ITPR2: variants seen among roughly 807,000 people sequenced by gnomAD.
ITPR2 encodes inositol 1,4,5-trisphosphate receptor type 2.
ITPR2 carries 207 observed loss-of-function variants against 317.1 expected under a neutral mutation model. That is an observed-to-expected ratio of 0.65 (90% CI 0.58 to 0.73). The LOEUF (loss-of-function observed/expected upper bound fraction) is 0.73, where lower values mean the gene tolerates loss of function less well. ITPR2 is among the 30% of genes least tolerant of loss of function. The pLI is 0.00. For missense variants in ITPR2, 2,613 were observed against 3,284.0 expected, an observed-to-expected ratio of 0.80 and a Z score of 4.99; for synonymous variants, 1,156 against 1,149.1, an observed-to-expected ratio of 1.01 and a Z score of -0.12.
intron 32 of ITPR2, among the ~76,000 whole-genome samples, chr12:26,582,477 TA>T (rs1230290982): frequency 6.6e-6 from 1 of 152,206 alleles, no homozygotes; most frequent in Non-Finnish European, 1.5e-5. Flanking sequence ...ACACTTACTT[TA>T]AAAAGCTATA....
chr12:26,669,026 G>C (rs1180781464), intron 13 of ITPR2, among the ~76,000 whole-genome samples: 1 of 152,148 alleles, frequency 6.6e-6, no homozygotes, highest in Non-Finnish European at 1.5e-5. Flanking sequence ...GCTGAGGCAA[G>C]AGGAATTGCT....
chr12:26,685,794 T>C (rs1445663736), intron 11 of ITPR2, among the ~76,000 whole-genome samples: 2 of 152,168 alleles, frequency 1.3e-5, no homozygotes, highest in Non-Finnish European at 2.9e-5. Context: ...TTCGTGTTCC[T>C]GCTGCTTGAA....
intron 37 of ITPR2, among the ~76,000 whole-genome samples, chr12:26,531,807 G>A (rs965148956): frequency 6.6e-6 from 1 of 152,094 alleles, no homozygotes; most frequent in Admixed American, 6.5e-5. Flanking sequence ...CAATCATCTT[G>A]ATTTAGATAT....
intron 35 of ITPR2, among the ~76,000 whole-genome samples, chr12:26,557,949 T>A (rs1944708527): frequency 6.6e-6 from 1 of 152,194 alleles, no homozygotes; most frequent in Non-Finnish European, 1.5e-5. Flanking sequence ...GCCAATTGCT[T>A]ATTGTCACTC....
chr12:26,548,459 T>C (rs992097814), intron 37 of ITPR2, among the ~76,000 whole-genome samples: 6 of 152,158 alleles, frequency 3.9e-5, no homozygotes, highest in Admixed American at 2.0e-4. Flanking sequence ...TTCCCTACAC[T>C]ATTAAGGGAG....
chr12:26,393,130 ACATCCT>A (rs1939896884), intron 54 of ITPR2, among the ~76,000 whole-genome samples: 2 of 152,200 alleles, frequency 1.3e-5, no homozygotes, highest in Admixed American at 1.3e-4. Flanking sequence ...CACAGAATCT[ACATCCT>A]CTTGTCCTAC....
intron 37 of ITPR2, among the ~76,000 whole-genome samples, chr12:26,544,891 C>T (rs1944355284): frequency 6.6e-6 from 1 of 152,120 alleles, no homozygotes; most frequent in Non-Finnish European, 1.5e-5. Context: ...TTTTCTGAGT[C>T]TCTCTTTTCA....
At position 26,715,300 on chromosome 12, in the gene ITPR2, T is replaced by C; in HGVS notation, c.854A>G (p.Glu285Gly). ...AAGTGCCAAAAAACATTTACATACC[T>C]CTATTTCCCAGAGTGCTTTAGAACT... ...ATSSKALWEI[E>G]VVHHDPCRGG... The change falls in exon 8 of 57, where the codon GAG becomes GGG. Residue 285 changes from glutamate (E) to glycine (G), a missense_variant and splice_region_variant. Coordinates refer to ENST00000381340, the MANE Select transcript of ITPR2 (RefSeq NM_002223.4). The C allele has an allele frequency of 6.2e-7, 1 of 1,609,848 alleles. No individual in the cohort carries two copies. The highest frequency in any genetic ancestry group is 8.5e-7 in the Non-Finnish European group (1 of 1,178,256).
chr12:26,578,567 T>C, intron 34 of ITPR2, 146 bp downstream of exon 34: 1 of 600,176 alleles, frequency 1.7e-6, no homozygotes, highest in Non-Finnish European at 2.8e-6. Flanking sequence ...TTCAGAATCA[T>C]TTGCTGATGG....
chr12:26,637,376 T>C (rs1482015155), intron 21 of ITPR2, among the ~76,000 whole-genome samples: 1 of 152,058 alleles, frequency 6.6e-6, no homozygotes, highest in Non-Finnish European at 1.5e-5. Context: ...TGCTTAGGAA[T>C]TTTTTTTAAC....
intron 2 of ITPR2, among the ~76,000 whole-genome samples, chr12:26,762,493 C>T (rs1319286488): frequency 1.3e-5 from 2 of 152,072 alleles, no homozygotes; most frequent in Non-Finnish European, 2.9e-5. Context: ...AATGAGGGAA[C>T]GATAAGGACT....
chr12:26,560,124 T>C (rs959664263), intron 35 of ITPR2, among the ~76,000 whole-genome samples: 15 of 152,194 alleles, frequency 9.9e-5, no homozygotes, highest in African/African-American at 3.6e-4. Flanking sequence ...AGAAGTTTAC[T>C]AAAAGAAGTT....
intron 26 of ITPR2, among the ~76,000 whole-genome samples, chr12:26,609,776 C>A (rs1946222575): frequency 1.3e-5 from 2 of 152,134 alleles, no homozygotes; most frequent in Non-Finnish European, 2.9e-5. Context: ...TCAAATAACA[C>A]ATTCTGGAAG....
intron 32 of ITPR2, among the ~76,000 whole-genome samples, chr12:26,582,331 C>G (rs1945424022): frequency 6.6e-6 from 1 of 152,036 alleles, no homozygotes; most frequent in African/African-American, 2.4e-5. Flanking sequence ...TTGGCCATGG[C>G]TCAAGTAAAA....
At chr12:26,393,744 T>A (rs1939914956) in intron 54 of ITPR2, among the ~76,000 whole-genome samples, 9 of 152,218 alleles carry the variant, frequency 5.9e-5, no homozygotes, top group Admixed American at 5.9e-4. Flanking sequence ...ATCTTACATC[T>A]CTTTGTGCAT....
intron 37 of ITPR2, among the ~76,000 whole-genome samples, chr12:26,538,923 A>G (rs1944180180): frequency 6.6e-6 from 1 of 152,112 alleles, no homozygotes; most frequent in African/African-American, 2.4e-5. Flanking sequence ...CTTTCTTTTT[A>G]TCTATAAAAT....
intron 10 of ITPR2, among the ~76,000 whole-genome samples, chr12:26,692,334 G>A (rs1048912849): frequency 6.6e-6 from 1 of 152,194 alleles, no homozygotes. Flanking sequence ...AGTAGAGGGT[G>A]TGGATGCTGC....
chr12:26,567,978 T>TTATA lies in ITPR2; in HGVS notation c.4631-6030_4631-6027dup, dbSNP rs1207413714. Among the ~76,000 whole-genome samples, 5 of 27,174 alleles carry TTATA rather than the reference T, an allele frequency of 1.8e-4. 1 individual carries two copies. Among genetic ancestry groups the TTATA allele is most frequent in the African/African-American group, 6.3e-4 (5 of 7,922 alleles). 17.8% of individuals were successfully genotyped at this position (27,174 alleles called of 152,430 possible). A position where few individuals can be genotyped will look rare whatever the true frequency, so the allele number is the denominator to read the frequency against. On this transcript the variant is annotated intron_variant, in intron 34 of 56. Coordinates refer to ENST00000381340, the MANE Select transcript of ITPR2 (RefSeq NM_002223.4). ...TATATATATATATATATTATATATATTATATATATATATATATATTATATA... is the reference window on the plus strand; with the variant it reads ...TATATATATATATATATTATATATATTATATATATATATATATATATATTATATA...
At chr12:26,500,125 G>A (rs991574773) in intron 37 of ITPR2, among the ~76,000 whole-genome samples, 26 of 152,182 alleles carry the variant, frequency 1.7e-4, no homozygotes, top group African/African-American at 5.3e-4. Context: ...TGACTTAAGC[G>A]GTGAGAGACA....
Sources: allele counts gnomAD v4.1 joint callset (sites outside exome capture counted in the v4.1 genomes callset), GRCh38; gene constraint gnomAD v4.1.1; transcripts MANE v1.5; gene names NCBI Gene and HGNC (gene_info 2026-07-23, HGNC 2026-07-21).